Variants in ODF2L observed in about 807,000 individuals in gnomAD.
The protein encoded by ODF2L is outer dense fiber of sperm tails 2 like.
In ODF2L, 76 loss-of-function variants were observed where a neutral mutation model predicts 86.3. The ratio of observed to expected loss-of-function variants is 0.88; its 90% CI spans 0.73 to 1.07. The LOEUF is 1.07. ODF2L is among the 50% of genes least tolerant of loss of function. The pLI, the probability that ODF2L is intolerant of heterozygous loss-of-function variation, is 0.00. For synonymous variants in ODF2L, 241 were observed against 231.3 expected (o/e 1.04, Z -0.38); for missense variants, 748 against 717.4 (o/e 1.04, Z -0.49).
chr1:86,348,078 G>A (rs1335607452), downstream of ODF2L: 2 of 152,040 alleles, frequency 1.3e-5, no homozygotes, highest in African/African-American at 2.4e-5. Flanking sequence ...ATAATCATTA[G>A]TATAAAACGA....
intron 3 of ODF2L, among the ~76,000 whole-genome samples, chr1:86,385,118 T>C (rs1462779580): frequency 2.6e-5 from 4 of 151,946 alleles, no homozygotes; most frequent in Non-Finnish European, 4.4e-5. Flanking sequence ...AGTTATCTAC[T>C]CCAAATAATA....
intron 11 of ODF2L, among the ~76,000 whole-genome samples, chr1:86,363,039 A>C (rs1414322876): frequency 2.6e-5 from 4 of 152,222 alleles, no homozygotes; most frequent in Non-Finnish European, 5.9e-5. Context: ...GAGAATGATC[A>C]GGAGGTCACA....
chr1:86,371,950 G>T (rs1207369443), intron 9 of ODF2L, among the ~76,000 whole-genome samples: 1 of 152,124 alleles, frequency 6.6e-6, no homozygotes, highest in Non-Finnish European at 1.5e-5. Flanking sequence ...CACTTTGGGA[G>T]GCCGAGGCAG....
intron 12 of ODF2L, 152 bp downstream of exon 11, chr1:86,360,274 G>C: frequency 3.9e-6 from 2 of 517,914 alleles, no homozygotes; most frequent in Non-Finnish European, 6.8e-6. Context: ...ATAAAGATGT[G>C]TGGGACCTTA....
chr1:86,354,274 G>A (rs1330481694), intron 16 of ODF2L, among the ~76,000 whole-genome samples: 1 of 152,054 alleles, frequency 6.6e-6, no homozygotes, highest in African/African-American at 2.4e-5. Context: ...AAAAGGTACA[G>A]GAGGAGATTA....
At position 86,360,409 on chromosome 1, in the gene ODF2L, A is replaced by G; in HGVS notation, c.1254+17T>C. On this transcript the variant is annotated intron_variant, in intron 12 of 17. Coordinates refer to ENST00000317336, the Ensembl canonical transcript of ODF2L. Reference sequence around the variant, plus strand: ...TCTACCAATTTTAGTAAACACTAAAATAAATGCAGTAGTCACCTGAGTTTT... The same window carrying G: ...TCTACCAATTTTAGTAAACACTAAAGTAAATGCAGTAGTCACCTGAGTTTT... The G allele has an allele frequency of 9.0e-7, 1 of 1,106,404 alleles. No individual in the cohort carries two copies. Among genetic ancestry groups the G allele is most frequent in the South Asian group, 1.3e-5 (1 of 74,274 alleles). 68.5% of individuals were successfully genotyped at this position (1,106,404 alleles called of 1,614,324 possible).
At chr1:86,380,114 T>TAAA (rs1281240168) in intron 7 of ODF2L, among the ~76,000 whole-genome samples, 1 of 152,198 alleles carries the variant, frequency 6.6e-6, no homozygotes, top group Non-Finnish European at 1.5e-5. Context: ...GAATAAGTTT[T>TAAA]AGTCTCCCAT....
At chr1:86,383,316 G>C in intron 4 of ODF2L, 120 bp from the exon 5 acceptor site, 1 of 509,788 alleles carries the variant, frequency 2.0e-6, no homozygotes, top group Admixed American at 4.0e-5. Flanking sequence ...ATTTTTAAAA[G>C]AGTTAACAAC....
intron 4 of ODF2L, among the ~76,000 whole-genome samples, chr1:86,384,383 T>G (rs941557981): frequency 1.3e-5 from 2 of 149,926 alleles, no homozygotes; most frequent in Non-Finnish European, 3.0e-5. Context: ...TATAGATATG[T>G]ATAAATATAA....
At chr1:86,352,198 G>C (rs1209234534) in exon 18 of ODF2L, 2 of 1,513,402 alleles carry the variant, frequency 1.3e-6, no homozygotes, top group East Asian at 5.1e-5. Context: ...ATTTCATGGA[G>C]TCTCTGGATC....
chr1:86,358,495 T>A, intron 13 of ODF2L: 1 of 167,754 alleles, frequency 6.0e-6, no homozygotes, highest in Non-Finnish European at 1.3e-5. Flanking sequence ...TGTATACTTA[T>A]GATTGATAAC....
rs539220530 is a variant in ODF2L, at chr1:86,353,745, G to A, written c.1768-761C>T. Reference sequence around the variant, plus strand: ...ACATATTCCAAGCACAATTATGCATGAGAGATGCCAGTGTGAGCTGAAGCT... The same window carrying A: ...ACATATTCCAAGCACAATTATGCATAAGAGATGCCAGTGTGAGCTGAAGCT... On this transcript the variant is annotated intron_variant, in intron 16 of 17. Coordinates refer to ENST00000317336, the Ensembl canonical transcript of ODF2L. Among the ~76,000 whole-genome samples the A allele has an allele frequency of 1.4e-3, 218 of 152,244 alleles. 1 individual carries two copies. The highest frequency in any genetic ancestry group is 2.6e-3 in the Non-Finnish European group (175 of 68,026).
At chr1:86,386,134 TATCCATACTGACAGTAATGGTATATACTA>T (rs1660937055) in intron 2 of ODF2L, 1 of 152,430 alleles carries the variant, frequency 6.6e-6, no homozygotes, top group African/African-American at 2.4e-5. Flanking sequence ...TGGACTAAGC[TATCCATACTGACAGTAATGGTATATACTA>T]AGATTGCCAT....
At chr1:86,379,123 G>GT (rs762308600) in intron 7 of ODF2L, among the ~76,000 whole-genome samples, 29 of 151,992 alleles carry the variant, frequency 1.9e-4, no homozygotes, top group Non-Finnish European at 4.1e-4. Context: ...CACCATAATT[G>GT]TAAGTTTCCT....
chr1:86,350,807 A>G (rs1374310192), exon 18 of ODF2L: 1 of 152,152 alleles, frequency 6.6e-6, no homozygotes, highest in African/African-American at 2.4e-5. Context: ...TTGGTGTGAC[A>G]TGGTATCTCA....
At chr1:86,386,989 T>C (rs1661001261) in exon 2 of ODF2L, 1 of 1,584,608 alleles carries the variant, frequency 6.3e-7, no homozygotes, top group Non-Finnish European at 8.6e-7. Flanking sequence ...GGCAAAAGAG[T>C]TCTTCTGAAT....
At chr1:86,375,275 A>G (rs569009107) in intron 8 of ODF2L, among the ~76,000 whole-genome samples, 1 of 152,298 alleles carries the variant, frequency 6.6e-6, no homozygotes, top group Non-Finnish European at 1.5e-5. Flanking sequence ...GCATTACAGC[A>G]ACAGAAAGGA....
chr1:86,385,281 T>C (rs1209989470), intron 3 of ODF2L, among the ~76,000 whole-genome samples, 177 bp downstream of exon 3: 1 of 152,046 alleles, frequency 6.6e-6, no homozygotes, highest in Non-Finnish European at 1.5e-5. Context: ...GCTGAGATTA[T>C]CTTTCAGGAA....
At chr1:86,362,275 T>TC (rs1421612493) in intron 11 of ODF2L, among the ~76,000 whole-genome samples, 1 of 152,004 alleles carries the variant, frequency 6.6e-6, no homozygotes, top group Non-Finnish European at 1.5e-5. Context: ...GACTAAATTT[T>TC]TTTTTTTTTT....
Sources: allele counts gnomAD v4.1 joint callset (sites outside exome capture counted in the v4.1 genomes callset), GRCh38; gene constraint gnomAD v4.1.1; transcripts MANE v1.5; gene names NCBI Gene and HGNC (gene_info 2026-07-23, HGNC 2026-07-21).